FILIP1L: variants seen among roughly 807,000 people sequenced by gnomAD.
The protein encoded by FILIP1L is filamin A-interacting protein 1-like.
Under a neutral mutation model 96.6 loss-of-function variants are expected in FILIP1L, and 55 were observed. That is an observed-to-expected ratio of 0.57 (90% CI 0.46 to 0.71). FILIP1L has a LOEUF of 0.71. FILIP1L is among the 30% of genes least tolerant of loss of function. FILIP1L has a pLI of 0.00. For missense variants in FILIP1L, 1,304 were observed against 1,321.2 expected (o/e 0.99, Z 0.20); for synonymous variants, 467 against 473.9 (o/e 0.99, Z 0.19).
intron 4 of FILIP1L, among the ~76,000 whole-genome samples, chr3:99,877,472 C>T (rs1029306773): frequency 2.6e-5 from 4 of 152,104 alleles, no homozygotes; most frequent in Non-Finnish European, 4.4e-5. Flanking sequence ...ATTGGGAGTT[C>T]ACTTTATCAT....
At chr3:100,087,854 T>TTTG (rs2066038458) in intron 1 of FILIP1L, among the ~76,000 whole-genome samples, 1 of 134,268 alleles carries the variant, frequency 7.4e-6, no homozygotes, top group African/African-American at 2.7e-5. Flanking sequence ...TTTTTTTTTT[T>TTTG]GAGTCTCACT....
chr3:100,087,833 T>C (rs1277627764), intron 1 of FILIP1L, among the ~76,000 whole-genome samples: 2 of 73,190 alleles, frequency 2.7e-5, no homozygotes, highest in Admixed American at 2.9e-4. Flanking sequence ...TTGTTTCAAC[T>C]TTTTTTTTTT....
chr3:100,027,708 A>G (rs2064952262), intron 1 of FILIP1L, among the ~76,000 whole-genome samples: 2 of 152,206 alleles, frequency 1.3e-5, no homozygotes, highest in South Asian at 4.1e-4. Flanking sequence ...GTGAACTTTC[A>G]AATCTCTGAA....
chr3:99,879,657 A>G (rs1445846719), intron 4 of FILIP1L, among the ~76,000 whole-genome samples: 1 of 152,182 alleles, frequency 6.6e-6, no homozygotes, highest in African/African-American at 2.4e-5. Flanking sequence ...TCCTTTGGTC[A>G]TTTAAGCAGT....
chr3:100,078,656 C>T (rs1432119510), intron 1 of FILIP1L, among the ~76,000 whole-genome samples: 1 of 151,954 alleles, frequency 6.6e-6, no homozygotes, highest in East Asian at 1.9e-4. Context: ...TTTGGGAGGC[C>T]GAGGCAGGCA....
intron 1 of FILIP1L, among the ~76,000 whole-genome samples, chr3:100,059,579 A>G (rs2065524641): frequency 1.3e-5 from 2 of 152,234 alleles, no homozygotes; most frequent in Admixed American, 1.3e-4. Flanking sequence ...GAGGTTGAAG[A>G]TTCAAACAGC....
intron 1 of FILIP1L, among the ~76,000 whole-genome samples, chr3:99,979,403 A>G (rs1709057216): frequency 6.6e-6 from 1 of 152,208 alleles, no homozygotes; most frequent in Non-Finnish European, 1.5e-5. Context: ...GAATGATTCT[A>G]AAGATGTTAT....
At chr3:99,937,228 A>G (rs1157077853) in intron 1 of FILIP1L, among the ~76,000 whole-genome samples, 2 of 152,148 alleles carry the variant, frequency 1.3e-5, no homozygotes, top group African/African-American at 4.8e-5. Flanking sequence ...ATGAGCCACC[A>G]TGCCCAGCCT....
chr3:99,908,732 A>G (rs1706699279), intron 4 of FILIP1L, among the ~76,000 whole-genome samples: 1 of 152,226 alleles, frequency 6.6e-6, no homozygotes, highest in Non-Finnish European at 1.5e-5. Context: ...TGTGCTTAGC[A>G]CAGTGTTTGA....
At chr3:99,944,116 G>A (rs1416794892) in intron 1 of FILIP1L, among the ~76,000 whole-genome samples, 3 of 152,168 alleles carry the variant, frequency 2.0e-5, no homozygotes, top group Admixed American at 6.5e-5. Flanking sequence ...AGCATCATGA[G>A]GAGAGTACAT....
At chr3:99,987,200 G>GC (rs975875326) in intron 1 of FILIP1L, among the ~76,000 whole-genome samples, 4 of 150,246 alleles carry the variant, frequency 2.7e-5, no homozygotes, top group Non-Finnish European at 5.9e-5. Flanking sequence ...ATGCACTCCA[G>GC]CCTGGGGGAC....
At chr3:99,921,496 G>T (rs1245226934) in intron 4 of FILIP1L, among the ~76,000 whole-genome samples, 1 of 152,152 alleles carries the variant, frequency 6.6e-6, no homozygotes, top group African/African-American at 2.4e-5. Context: ...GGCAAAGCAA[G>T]GGAAGTCACA....
chr3:100,036,959 A>G (rs529338095), intron 1 of FILIP1L, among the ~76,000 whole-genome samples: 142 of 152,312 alleles, frequency 9.3e-4, no homozygotes, highest in African/African-American at 3.2e-3. Flanking sequence ...AAACTAAAAG[A>G]TACTCTTCAA....
At chr3:99,836,189 A>G (rs1303158879) in intron 5 of FILIP1L, among the ~76,000 whole-genome samples, 7 of 152,190 alleles carry the variant, frequency 4.6e-5, no homozygotes, top group African/African-American at 1.7e-4. Flanking sequence ...TTACAGTACC[A>G]TCTGTCCTAA....
intron 1 of FILIP1L, among the ~76,000 whole-genome samples, chr3:100,007,491 G>C (rs774206744): frequency 1.3e-5 from 2 of 152,104 alleles, no homozygotes; most frequent in Non-Finnish European, 2.9e-5. Context: ...ATCAAATCAT[G>C]AAAGATGCAA....
intron 4 of FILIP1L, among the ~76,000 whole-genome samples, chr3:99,855,683 C>T (rs1373923124): frequency 6.6e-6 from 1 of 152,182 alleles, no homozygotes; most frequent in Admixed American, 6.5e-5. Flanking sequence ...TCTTACTTAA[C>T]ATTGCATTTG....
intron 1 of FILIP1L, among the ~76,000 whole-genome samples, chr3:100,044,948 G>A (rs1295458721): frequency 6.6e-6 from 1 of 152,164 alleles, no homozygotes; most frequent in Non-Finnish European, 1.5e-5. Flanking sequence ...TCTGATATGA[G>A]GTGCTGTTTC....
chr3:99,971,103 C>A (rs578042620), intron 1 of FILIP1L, among the ~76,000 whole-genome samples: 7,847 of 152,148 alleles, frequency 0.052, 309 homozygotes, highest in South Asian at 0.15. Context: ...TTTGGGAGGC[C>A]AAGGCGGGCG....
chr3:100,035,439 A>G (rs2107272534), intron 1 of FILIP1L, among the ~76,000 whole-genome samples: 1 of 152,148 alleles, frequency 6.6e-6, no homozygotes, highest in Non-Finnish European at 1.5e-5. Context: ...ACGCCCAGCT[A>G]ATTTGGTATT....
Sources: allele counts gnomAD v4.1 joint callset (sites outside exome capture counted in the v4.1 genomes callset), GRCh38; gene constraint gnomAD v4.1.1; transcripts MANE v1.5; gene names NCBI Gene and HGNC (gene_info 2026-07-23, HGNC 2026-07-21).